GSE1: variants seen among roughly 807,000 people sequenced by gnomAD.
The protein encoded by GSE1 is genetic suppressor element 1.
Under a neutral mutation model 112.6 loss-of-function variants are expected in GSE1, and 32 were observed. That is an observed-to-expected ratio of 0.28 (90% confidence interval 0.21 to 0.38). The LOEUF (loss-of-function observed/expected upper bound fraction) is 0.38. Among genes scored for constraint, GSE1 ranks in the 10% least tolerant of loss-of-function variants. GSE1 has a pLI of 1.00. For synonymous variants in GSE1, 1,115 were observed against 735.6 expected, an observed-to-expected ratio of 1.52 and a Z score of -8.35; for missense variants, 2,348 against 1,699.2, an observed-to-expected ratio of 1.38 and a Z score of -6.71.
At chr16:85,611,563 G>C (rs1398835672), upstream of GSE1, 3 of 785,876 alleles carry the variant, frequency 3.8e-6, no homozygotes, top group Non-Finnish European at 4.6e-6. Flanking sequence ...ACCCGGCCTC[G>C]CCGGTCCGTT....
intron 3 of GSE1, among the ~76,000 whole-genome samples, chr16:85,653,161 A>T (rs1598602191): frequency 1.2e-5 from 1 of 85,540 alleles, no homozygotes. Context: ...CACAGCCCCC[A>T]TCTGGGCCGC....
rs144972135 is a variant in GSE1, at chr16:85,511,157, G to A, written c.2465-122757G>A. Among the ~76,000 whole-genome samples the A allele has an allele frequency of 4.8e-3, 724 of 152,310 alleles. 4 individuals carry two copies. Among genetic ancestry groups the A allele is most frequent in the African/African-American group, 0.017 (695 of 41,546 alleles). ...CTGACCAAGTGCCTGGCTTTCTGTG[G>A]CCATCTGAGCTGGACTCAGAGAAGC... On this transcript the variant is annotated intron_variant, in intron 2 of 2. Transcript: ENST00000637419.
intron 2 of GSE1, among the ~76,000 whole-genome samples, chr16:85,388,067 G>A (rs536002483): frequency 3.0e-5 from 4 of 135,156 alleles, no homozygotes; most frequent in African/African-American, 1.2e-4. Context: ...TGGGTGAGTG[G>A]ATGGGTGGGT....
rs1272250637 is a variant in GSE1 at position 85,458,811 on chromosome 16, G to C, written c.2464+101168G>C. On this transcript the variant is annotated intron_variant, in intron 2 of 2. Coordinates refer to the GSE1 transcript ENST00000637419. ...ATGAGGTCCCCTGTGCTGCAGGAGG[G>C]ATAGAGTCACTTTGGGTTCAGGGAG... 3.3e-5 allele frequency among the ~76,000 whole-genome samples: 5 copies of C among 152,308 alleles called. No individual in the cohort carries two copies. In the South Asian group the frequency reaches 8.3e-4, roughly 25 times the overall value.
intron 1 of GSE1, among the ~76,000 whole-genome samples, chr16:85,317,974 GAA>G (rs1378282783): frequency 6.6e-6 from 1 of 152,240 alleles, no homozygotes; most frequent in Non-Finnish European, 1.5e-5. Flanking sequence ...CTAGAAAGCT[GAA>G]AAGAGAGGAA....
At chr16:85,602,251 G>T (rs937976665) in intron 1 of GSE1, among the ~76,000 whole-genome samples, 1 of 152,168 alleles carries the variant, frequency 6.6e-6, no homozygotes, top group Non-Finnish European at 1.5e-5. Context: ...GCGGGGGCCA[G>T]GCAGGGAGGA....
chr16:85,275,992 C>T (rs1182474230), intron 1 of GSE1, among the ~76,000 whole-genome samples: 1 of 152,236 alleles, frequency 6.6e-6, no homozygotes, highest in African/African-American at 2.4e-5. Context: ...CAGGGTCCCC[C>T]TCCCAGCGAT....
At chr16:85,295,730 T>A (rs28499192) in intron 1 of GSE1, among the ~76,000 whole-genome samples, 358 of 151,840 alleles carry the variant, frequency 2.4e-3, no homozygotes, top group African/African-American at 8.3e-3. Context: ...AAAACACACA[T>A]CGATCCTTTT....
intron 1 of GSE1, among the ~76,000 whole-genome samples, chr16:85,313,820 C>T (rs931424006): frequency 4.6e-5 from 7 of 152,252 alleles, no homozygotes; most frequent in African/African-American, 1.7e-4. Context: ...GCGAGACCCT[C>T]GTACATGCCC....
chr16:85,391,971 G>A (rs1263050896), intron 2 of GSE1, among the ~76,000 whole-genome samples: 1 of 152,132 alleles, frequency 6.6e-6, no homozygotes, highest in Admixed American at 6.5e-5. Flanking sequence ...AGAAGGAAAG[G>A]TGTTGGTGGA....
At chr16:85,525,722 G>A (rs2052345026) in intron 2 of GSE1, among the ~76,000 whole-genome samples, 1 of 152,184 alleles carries the variant, frequency 6.6e-6, no homozygotes, top group South Asian at 2.1e-4. Context: ...GTATGTCTGG[G>A]CTCAAATCCT....
At chr16:85,479,503 C>T (rs1597890533) in intron 2 of GSE1, among the ~76,000 whole-genome samples, 1 of 152,010 alleles carries the variant, frequency 6.6e-6, no homozygotes, top group Non-Finnish European at 1.5e-5. Flanking sequence ...GGGGTTTCTC[C>T]ACGTTGACCA....
intron 1 of GSE1, among the ~76,000 whole-genome samples, chr16:85,633,510 C>A (rs1323254989): frequency 1.3e-5 from 2 of 152,220 alleles, no homozygotes; most frequent in Non-Finnish European, 2.9e-5. Flanking sequence ...CAGCGTGTTT[C>A]TATCCTGAGG....
intron 1 of GSE1, among the ~76,000 whole-genome samples, chr16:85,598,913 G>T (rs1001337014): frequency 3.3e-5 from 5 of 152,246 alleles, no homozygotes; most frequent in African/African-American, 1.2e-4. Context: ...GCGGTGATTG[G>T]AGCATCGGGG....
At chr16:85,561,018 G>A (rs571228521) in intron 1 of GSE1, among the ~76,000 whole-genome samples, 1 of 152,062 alleles carries the variant, frequency 6.6e-6, no homozygotes, top group East Asian at 1.9e-4. Flanking sequence ...TGTAGACCCA[G>A]CTACTCAGGA....
At chr16:85,242,073 A>G (rs913459217) in intron 1 of GSE1, among the ~76,000 whole-genome samples, 2 of 152,164 alleles carry the variant, frequency 1.3e-5, no homozygotes, top group Non-Finnish European at 2.9e-5. Context: ...GAGCTGCAAG[A>G]GTCCCACGTC....
chr16:85,171,033 C>T (rs556136571), exon 1 of GSE1: 7 of 985,606 alleles, frequency 7.1e-6, no homozygotes, highest in Admixed American at 6.1e-5. Context: ...TCAACGGCAA[C>T]GCCAGGAGCG....
chr16:85,607,931 T>G (rs142334246), upstream of GSE1, among the ~76,000 whole-genome samples: 8 of 152,258 alleles, frequency 5.3e-5, no homozygotes, highest in Non-Finnish European at 1.2e-4. Context: ...GGAGGATGCT[T>G]CTTCTCAGGC....
intron 1 of GSE1, among the ~76,000 whole-genome samples, chr16:85,575,028 G>GCGGCTCC (rs1252735425): frequency 6.6e-6 from 1 of 152,176 alleles, no homozygotes; most frequent in Non-Finnish European, 1.5e-5. Context: ...TCGCTGGGGA[G>GCGGCTCC]CGGCTCCCCG....
Sources: gnomAD v4.1 joint callset for allele counts (sites outside exome capture counted in the v4.1 genomes callset) on GRCh38, gnomAD v4.1.1 for gene constraint, MANE v1.5 for transcripts, NCBI Gene and HGNC (gene_info 2026-07-23, HGNC 2026-07-21) for gene names.